The following CTNNA2 variants were observed in gnomAD, a reference collection of about 807,000 sequenced individuals.
The protein encoded by CTNNA2 is catenin alpha-2.
CTNNA2 carries 42 observed loss-of-function variants against 101.0 expected under a neutral mutation model. That is an observed-to-expected ratio of 0.42 (90% CI 0.32 to 0.54). The LOEUF (loss-of-function observed/expected upper bound fraction) is 0.54, where lower values mean the gene tolerates loss of function less well. CTNNA2 is among the 20% of genes least tolerant of loss of function. CTNNA2 has a pLI of 0.14. For missense variants in CTNNA2, 871 were observed against 1,223.1 expected, an observed-to-expected ratio of 0.71 and a Z score of 4.29; for synonymous variants, 450 against 456.4, an observed-to-expected ratio of 0.99 and a Z score of 0.18.
intron 7 of CTNNA2, among the ~76,000 whole-genome samples, chr2:80,321,259 A>G (rs1262608220): frequency 6.6e-6 from 1 of 152,152 alleles, no homozygotes; most frequent in Non-Finnish European, 1.5e-5. Context: ...AAAAAAGGAA[A>G]TTGGAGAGGC....
intron 2 of CTNNA2, among the ~76,000 whole-genome samples, chr2:79,681,756 G>C (rs1683577160): frequency 6.6e-6 from 1 of 152,172 alleles, no homozygotes; most frequent in Non-Finnish European, 1.5e-5. Context: ...GCATGCAAAT[G>C]AGCAGACTTA....
upstream of CTNNA2, among the ~76,000 whole-genome samples, chr2:79,509,541 C>A (rs961999386): frequency 8.5e-5 from 13 of 152,160 alleles, no homozygotes; most frequent in African/African-American, 1.2e-4. Context: ...AACTCTATGA[C>A]ATTCTGGAGA....
intron 7 of CTNNA2, among the ~76,000 whole-genome samples, chr2:80,235,329 G>A (rs527632150): frequency 6.6e-6 from 1 of 152,308 alleles, no homozygotes; most frequent in South Asian, 2.1e-4. Flanking sequence ...TGGAGAGCCT[G>A]ACACTGTACT....
rs1170524504 is a variant in CTNNA2 at position 79,874,180 on chromosome 2, C to A, written c.690C>A (p.His230Gln). Residue 230 changes from histidine (H) to glutamine (Q), a missense_variant, in exon 6 of 19, where the codon CAC becomes CAA. Physicochemically the swap from His to Gln is conservative, Grantham distance 24 (BLOSUM62 0). This residue lies in a region of CTNNA2 where 647 missense variants were observed against 831.5 expected (regional missense o/e 0.78). Transcript: ENST00000402739. ...CGGCCTCTCAAGCATTTCTCCGCCA[C>A]CCAGATGTCGCCGCTACGAGAGCCA... is the stretch of plus-strand genomic sequence containing the variant. ...LYTASQAFLR[H>Q]PDVAATRANR... 1 of 1,614,078 alleles carries A rather than the reference C, an allele frequency of 6.2e-7. No individual in the cohort carries two copies. The highest frequency in any genetic ancestry group is 1.3e-5 in the African/African-American group (1 of 74,930).
chr2:79,608,407 C>T (rs1678040382), intron 1 of CTNNA2, among the ~76,000 whole-genome samples: 6 of 151,992 alleles, frequency 3.9e-5, no homozygotes, highest in Admixed American at 3.3e-4. Flanking sequence ...TTATCTCATT[C>T]TATATGGCCA....
At chr2:80,504,163 G>T (rs1329696543) in intron 9 of CTNNA2, among the ~76,000 whole-genome samples, 1 of 152,126 alleles carries the variant, frequency 6.6e-6, no homozygotes, top group African/African-American at 2.4e-5. Context: ...GAAGTTCAGT[G>T]TTTTCTTCCA....
chr2:80,593,066 A>G (rs1696650039), intron 15 of CTNNA2, among the ~76,000 whole-genome samples: 1 of 152,184 alleles, frequency 6.6e-6, no homozygotes, highest in African/African-American at 2.4e-5. Flanking sequence ...AGATAATTAT[A>G]TGACTTGATG....
At chr2:79,231,343 G>A (rs1674490755) in intron 2 of CTNNA2, among the ~76,000 whole-genome samples, 1 of 152,108 alleles carries the variant, frequency 6.6e-6, no homozygotes, top group Admixed American at 6.6e-5. Context: ...GGGTTTATCT[G>A]GGTTTTCCAC....
intron 7 of CTNNA2, among the ~76,000 whole-genome samples, chr2:80,130,538 T>G (rs1702356495): frequency 6.6e-6 from 1 of 152,156 alleles, no homozygotes; most frequent in African/African-American, 2.4e-5. Context: ...ATCACTTTAG[T>G]AAAAAGATGC....
intron 7 of CTNNA2, among the ~76,000 whole-genome samples, chr2:80,114,639 C>T (rs1450517241): frequency 6.6e-6 from 1 of 152,224 alleles, no homozygotes; most frequent in African/African-American, 2.4e-5. Flanking sequence ...AGGGCACTCA[C>T]ATAGAAGTTC....
chr2:79,683,476 T>G (rs1683725154), intron 2 of CTNNA2, among the ~76,000 whole-genome samples: 1 of 152,234 alleles, frequency 6.6e-6, no homozygotes, highest in Non-Finnish European at 1.5e-5. Flanking sequence ...AAACACCTAC[T>G]GGCCTCTTTT....
intron 7 of CTNNA2, among the ~76,000 whole-genome samples, chr2:80,144,405 G>C (rs137937056): frequency 2.0e-5 from 3 of 152,264 alleles, no homozygotes; most frequent in East Asian, 3.9e-4. Context: ...CCCGTAATAT[G>C]AAATGAGTTT....
chr2:79,287,253 C>A (rs1267673369), intron 2 of CTNNA2, among the ~76,000 whole-genome samples: 1 of 152,202 alleles, frequency 6.6e-6, no homozygotes, highest in Non-Finnish European at 1.5e-5. Flanking sequence ...CTTCTCTCAG[C>A]TCGTCAAAGT....
chr2:80,545,842 T>C, intron 10 of CTNNA2, 65 bp from the exon 11 acceptor site: 1 of 1,555,004 alleles, frequency 6.4e-7, no homozygotes, highest in Non-Finnish European at 8.7e-7. Flanking sequence ...ACATGGTCTT[T>C]GACCGGCTTA....
At chr2:79,849,640 A>G (rs1307064518) in intron 3 of CTNNA2, among the ~76,000 whole-genome samples, 1 of 152,114 alleles carries the variant, frequency 6.6e-6, no homozygotes, top group Non-Finnish European at 1.5e-5. Context: ...CCTTCTTGCT[A>G]GCAAAGGCCT....
At chr2:79,611,293 A>G (rs1056742146) in intron 1 of CTNNA2, among the ~76,000 whole-genome samples, 2 of 152,130 alleles carry the variant, frequency 1.3e-5, no homozygotes, top group Non-Finnish European at 2.9e-5. Context: ...GCAGGAATGT[A>G]GCTGGGCTCC....
intron 2 of CTNNA2, among the ~76,000 whole-genome samples, chr2:79,245,067 C>T (rs1290514664): frequency 6.6e-6 from 1 of 151,540 alleles, no homozygotes; most frequent in East Asian, 1.9e-4. Flanking sequence ...TACACTCCAG[C>T]CTGGACAACA....
Position 79,576,165 on chromosome 2 carries a change from T to A in CTNNA2, c.-6+62958T>A, listed in dbSNP as rs113492017. Among the ~76,000 whole-genome samples the A allele has an allele frequency of 2.0e-3, 303 of 152,358 alleles. 1 individual carries two copies. Among genetic ancestry groups the A allele is most frequent in the African/African-American group, 6.8e-3 (283 of 41,592 alleles). ...AGGCTCCAAAAACATTTCTAAATGA[T>A]ATCCAAAATTTAGTGGTGGCAATTT... On this transcript the variant is annotated intron_variant, in intron 1 of 18. Transcript: ENST00000402739.
At chr2:80,100,753 C>G (rs1321663788) in intron 7 of CTNNA2, among the ~76,000 whole-genome samples, 1 of 152,210 alleles carries the variant, frequency 6.6e-6, no homozygotes, top group Non-Finnish European at 1.5e-5. Flanking sequence ...AGGCTTGAAT[C>G]TCTTGTATCA....
Sources: allele counts gnomAD v4.1 joint callset (sites outside exome capture counted in the v4.1 genomes callset), GRCh38; gene constraint gnomAD v4.1.1; regional missense constraint gnomAD v4.1.1; transcripts MANE v1.5; gene names NCBI Gene and HGNC (gene_info 2026-07-23, HGNC 2026-07-21).